The following PCDHA1 variants were observed in gnomAD, a reference collection of about 807,000 sequenced individuals.
The protein encoded by PCDHA1 is protocadherin alpha-1.
PCDHA1 carries 42 observed loss-of-function variants against 61.3 expected under a neutral mutation model. The observed-to-expected ratio is 0.69, with a 90% CI of 0.54 to 0.89. PCDHA1 has a LOEUF of 0.89. Ranked by LOEUF, PCDHA1 falls within the 40% of genes least tolerant of loss-of-function variation. The pLI is 0.00. For synonymous variants in PCDHA1, 610 were observed against 553.8 expected (o/e 1.10, Z -1.43); for missense variants, 1,256 against 1,235.3 (o/e 1.02, Z -0.25).
chr5:140,836,412 A>C, intron 1 of PCDHA1: 2 of 1,613,792 alleles, frequency 1.2e-6, no homozygotes, highest in Non-Finnish European at 8.5e-7. Context: ...CCAGGCACCA[A>C]AGGCGTCGTC....
chr5:140,790,179 T>C (rs1554118499), intron 1 of PCDHA1, among the ~76,000 whole-genome samples: 1 of 152,184 alleles, frequency 6.6e-6, no homozygotes, highest in African/African-American at 2.4e-5. Flanking sequence ...CTGATGATTG[T>C]GTAAAGGTTG....
chr5:140,883,457 C>A lies in PCDHA1; in HGVS notation c.2394+94773C>A, dbSNP rs142331981. 13 of 1,614,078 alleles carry A rather than the reference C, an allele frequency of 8.1e-6. No individual in the cohort carries two copies. Among genetic ancestry groups the A allele is most frequent in the Non-Finnish European group, 1.1e-5 (13 of 1,180,050 alleles). On this transcript the variant is annotated intron_variant, in intron 1 of 3. Transcript: ENST00000504120. ...CTTGACGCCGCATGTCCCCTTCAAG[C>A]TGGTGTCCACCTACAAGAACTACTA...
chr5:140,922,722 T>C (rs2153565730), intron 1 of PCDHA1, among the ~76,000 whole-genome samples: 1 of 151,972 alleles, frequency 6.6e-6, no homozygotes, highest in Non-Finnish European at 1.5e-5. Context: ...AAAGAAACAC[T>C]TGACAAGGTT....
At chr5:140,923,495 C>T (rs1274980788) in intron 1 of PCDHA1, among the ~76,000 whole-genome samples, 2 of 152,060 alleles carry the variant, frequency 1.3e-5, no homozygotes, top group African/African-American at 4.8e-5. Context: ...CACCACTGCA[C>T]TCCAGCCTGG....
chr5:140,798,557 C>G (rs1030447160), intron 1 of PCDHA1, among the ~76,000 whole-genome samples: 1 of 152,126 alleles, frequency 6.6e-6, no homozygotes, highest in Non-Finnish European at 1.5e-5. Flanking sequence ...CCAATGTGTG[C>G]AGGCCTCCCA....
Position 140,850,211 on chromosome 5 carries a change from C to A in PCDHA1, c.2394+61527C>A, listed in dbSNP as rs2150473492. The stretch of plus-strand genomic sequence containing the variant: ...CGCTGCTGACACCTCGGATGAGGGG[C>A]ACTGACGGCGCAGTGAGCGAGATGG... On this transcript the variant is annotated intron_variant, in intron 1 of 3. Coordinates refer to ENST00000504120, the MANE Select transcript of PCDHA1 (RefSeq NM_018900.4). The A allele has an allele frequency of 5.0e-6, 8 of 1,593,540 alleles. 1 individual carries two copies. Among genetic ancestry groups the A allele is most frequent in the Non-Finnish European group, 6.0e-6 (7 of 1,167,626 alleles).
At chr5:140,926,664 C>T (rs2083450429) in intron 1 of PCDHA1, 1 of 546,968 alleles carries the variant, frequency 1.8e-6, no homozygotes, top group East Asian at 3.5e-5. Context: ...CTTTCCCAGA[C>T]GGCTGCCCAG....
intron 1 of PCDHA1, among the ~76,000 whole-genome samples, chr5:140,954,414 G>A (rs1322356989): frequency 1.3e-5 from 2 of 152,010 alleles, no homozygotes; most frequent in Non-Finnish European, 2.9e-5. Flanking sequence ...GGGTAAAGGT[G>A]TTCCTTTTTC....
At chr5:140,791,867 G>A (rs974788403) in intron 1 of PCDHA1, among the ~76,000 whole-genome samples, 1 of 152,102 alleles carries the variant, frequency 6.6e-6, no homozygotes, top group Admixed American at 6.5e-5. Context: ...CTAGGTTGAA[G>A]GTTTTGCAAG....
intron 3 of PCDHA1, among the ~76,000 whole-genome samples, chr5:140,998,715 C>T (rs535565356): frequency 2.6e-5 from 4 of 152,236 alleles, no homozygotes; most frequent in African/African-American, 9.6e-5. Flanking sequence ...CAAGCTTGCA[C>T]CACCACGCTA....
At chr5:140,802,454 G>A (rs1554122143) in intron 1 of PCDHA1, 6 of 1,614,214 alleles carry the variant, frequency 3.7e-6, no homozygotes, top group East Asian at 2.2e-5. Flanking sequence ...AGAGCGTGTC[G>A]GCCTATGAGC....
intron 1 of PCDHA1, chr5:140,803,411 G>C (rs782062306): frequency 2.5e-6 from 4 of 1,614,218 alleles, no homozygotes; most frequent in Non-Finnish European, 3.4e-6. Context: ...GCAAGCCCAC[G>C]CTGGTGTGCT....
chr5:140,953,778 A>AT, intron 1 of PCDHA1, among the ~76,000 whole-genome samples: 1 of 152,106 alleles, frequency 6.6e-6, no homozygotes, highest in South Asian at 2.1e-4. Context: ...ATATTTATTT[A>AT]TTTTTTTCTT....
rs1417352469 is a variant in PCDHA1 at position 140,875,131 on chromosome 5, G to A, written c.2394+86447G>A. ...AATATCATGTATATTAACTAAACCC[G>A]CATTTATAAATGATCCGTGAAAAAT... On this transcript the variant is annotated intron_variant, in intron 1 of 3. Coordinates refer to ENST00000504120, the MANE Select transcript of PCDHA1 (RefSeq NM_018900.4). Among the ~76,000 whole-genome samples, 5 of 152,228 alleles carry A rather than the reference G, an allele frequency of 3.3e-5. No individual in the cohort carries two copies. The East Asian group carries it at 9.6e-4, about 29-fold the overall frequency.
At chr5:140,979,109 G>A (rs979649515) in intron 2 of PCDHA1, 102 bp downstream of exon 2, 1 of 1,524,682 alleles carries the variant, frequency 6.6e-7, no homozygotes, top group Admixed American at 2.3e-5. Context: ...AAACTAAAAA[G>A]CTTTAGGTAC....
At chr5:140,851,653 A>G (rs1438249700) in intron 1 of PCDHA1, 1 of 911,018 alleles carries the variant, frequency 1.1e-6, no homozygotes, top group Non-Finnish European at 1.3e-6. Flanking sequence ...TCAAGAAGAC[A>G]TTCTCCTTTT....
At chr5:140,876,061 C>T (rs782151232) in intron 1 of PCDHA1, 17 of 1,613,778 alleles carry the variant, frequency 1.1e-5, no homozygotes, top group African/African-American at 1.3e-5. Context: ...ATTAGTTCTT[C>T]GGAAGTTATT....
chr5:140,807,783 C>A (rs782393420), intron 1 of PCDHA1: 2 of 1,614,144 alleles, frequency 1.2e-6, no homozygotes, highest in Non-Finnish European at 1.7e-6. Context: ...TTACGGAAAT[C>A]TTTAGACAGA....
At chr5:140,835,645 A>G (rs1554135161) in intron 1 of PCDHA1, 3 of 1,613,728 alleles carry the variant, frequency 1.9e-6, no homozygotes, top group African/African-American at 2.7e-5. Context: ...GTGTCCGCCT[A>G]TGAGCTGGTG....
Sources: gnomAD v4.1 joint callset for allele counts (sites outside exome capture counted in the v4.1 genomes callset) on GRCh38, gnomAD v4.1.1 for gene constraint, MANE v1.5 for transcripts, NCBI Gene and HGNC (gene_info 2026-07-23, HGNC 2026-07-21) for gene names.